OTUD7A: variants seen among roughly 807,000 people sequenced by gnomAD.
OTUD7A encodes OTU deubiquitinase 7A.
A neutral mutation model predicts 65.7 loss-of-function variants in OTUD7A; 12 were observed. The ratio of observed to expected loss-of-function variants is 0.18; its 90% CI spans 0.12 to 0.30. OTUD7A has a LOEUF of 0.30. Among genes scored for constraint, OTUD7A ranks in the 10% least tolerant of loss-of-function variants. The pLI is 1.00. For missense variants in OTUD7A, 1,148 were observed against 1,304.8 expected (o/e 0.88, Z 1.85); for synonymous variants, 641 against 586.3 (o/e 1.09, Z -1.35).
chr15:31,862,218 C>A (rs545277307), intron 1 of OTUD7A, among the ~76,000 whole-genome samples: 1 of 152,332 alleles, frequency 6.6e-6, no homozygotes, highest in Admixed American at 6.5e-5. Flanking sequence ...AATCTTTCAT[C>A]ATCCCCAAGG....
At chr15:31,737,247 C>T (rs996592962) in intron 1 of OTUD7A, among the ~76,000 whole-genome samples, 16 of 152,020 alleles carry the variant, frequency 1.1e-4, no homozygotes, top group Admixed American at 2.6e-4. Context: ...CGTTGAAACA[C>T]ATACACAGGC....
intron 3 of OTUD7A, among the ~76,000 whole-genome samples, chr15:31,622,992 C>T (rs1049603870): frequency 2.6e-5 from 4 of 152,236 alleles, no homozygotes; most frequent in Non-Finnish European, 5.9e-5. Flanking sequence ...AGTCAGGACC[C>T]TCAGCTGCAG....
intron 1 of OTUD7A, among the ~76,000 whole-genome samples, chr15:31,704,787 T>C (rs1217933463): frequency 1.3e-5 from 2 of 152,332 alleles, no homozygotes; most frequent in African/African-American, 4.8e-5. Flanking sequence ...TCTGGAGATC[T>C]GTCCTGGAAT....
At chr15:31,669,310 G>A (rs1013325658) in intron 1 of OTUD7A, among the ~76,000 whole-genome samples, 1 of 152,146 alleles carries the variant, frequency 6.6e-6, no homozygotes, top group Non-Finnish European at 1.5e-5. Flanking sequence ...ACTGTCCTTC[G>A]GTGCGTCTTG....
intron 1 of OTUD7A, among the ~76,000 whole-genome samples, chr15:31,811,461 T>C (rs1896413755): frequency 6.6e-6 from 1 of 151,724 alleles, no homozygotes; most frequent in Admixed American, 6.6e-5. Context: ...GTATGTATGG[T>C]GTAGTGTCTG....
intron 1 of OTUD7A, among the ~76,000 whole-genome samples, chr15:31,697,846 G>A (rs879435234): frequency 9.9e-5 from 15 of 152,192 alleles, no homozygotes; most frequent in Non-Finnish European, 1.6e-4. Context: ...GCCACTTCTC[G>A]AAATGTGCTG....
chr15:31,551,334 T>C (rs1232468083), intron 5 of OTUD7A, among the ~76,000 whole-genome samples: 1 of 152,224 alleles, frequency 6.6e-6, no homozygotes, highest in East Asian at 1.9e-4. Context: ...TTCATGTTTC[T>C]ATTCCTGGCT....
intron 1 of OTUD7A, among the ~76,000 whole-genome samples, chr15:31,741,412 G>A (rs781036514): frequency 1.3e-5 from 2 of 152,184 alleles, no homozygotes; most frequent in Non-Finnish European, 2.9e-5. Flanking sequence ...CATGTGCCAT[G>A]TTGGTTTGCT....
intron 4 of OTUD7A, among the ~76,000 whole-genome samples, chr15:31,568,272 T>C (rs1888939259): frequency 6.6e-6 from 1 of 152,276 alleles, no homozygotes; most frequent in Non-Finnish European, 1.5e-5. Context: ...TGGTGTGCCC[T>C]GGATGTGAGA....
chr15:31,617,091 T>A (rs1211415354), intron 3 of OTUD7A, among the ~76,000 whole-genome samples: 1 of 151,956 alleles, frequency 6.6e-6, no homozygotes. Context: ...CAACCAAATA[T>A]ATCAAACATT....
intron 1 of OTUD7A, among the ~76,000 whole-genome samples, chr15:31,746,177 C>T (rs968569172): frequency 4.4e-4 from 67 of 152,128 alleles, no homozygotes; most frequent in African/African-American, 1.5e-3. Flanking sequence ...TGGGGTTTCC[C>T]CACTAGGTAT....
At chr15:31,567,080 A>G (rs1305230025) in intron 4 of OTUD7A, among the ~76,000 whole-genome samples, 2 of 152,230 alleles carry the variant, frequency 1.3e-5, no homozygotes, top group Non-Finnish European at 2.9e-5. Flanking sequence ...AATGGGCAGA[A>G]GTTGGAAGTC....
intron 1 of OTUD7A, among the ~76,000 whole-genome samples, chr15:31,718,767 T>C (rs1178100311): frequency 6.8e-6 from 1 of 148,014 alleles, no homozygotes; most frequent in Non-Finnish European, 1.5e-5. Flanking sequence ...TCCATTGTTA[T>C]CATGGACTGT....
intron 1 of OTUD7A, among the ~76,000 whole-genome samples, chr15:31,681,120 A>G (rs1286726844): frequency 6.6e-6 from 1 of 150,890 alleles, no homozygotes. Context: ...ATCTTTTGAT[A>G]TATATTTTTT....
intron 1 of OTUD7A, among the ~76,000 whole-genome samples, chr15:31,709,421 G>T (rs1018204378): frequency 5.9e-5 from 9 of 152,030 alleles, no homozygotes; most frequent in African/African-American, 4.8e-5. Flanking sequence ...GGGGCACCTG[G>T]GAACCTGCAT....
chr15:31,711,111 G>C lies in OTUD7A; in HGVS notation c.-99-54034C>G, dbSNP rs111460412. Among the ~76,000 whole-genome samples the C allele has an allele frequency of 8.1e-3, 1,212 of 149,118 alleles. 13 individuals carry two copies. The highest frequency in any genetic ancestry group is 0.028 in the African/African-American group (1,141 of 40,782). ...CCCTTTCTATGGTGAATAGCAAATA[G>C]AGTTGAAGTGTTCAACACCTTTGTG... On this transcript the variant is annotated intron_variant, in intron 1 of 12. Coordinates refer to ENST00000307050, the MANE Select transcript of OTUD7A (RefSeq NM_001382637.1).
At chr15:31,565,330 T>A (rs1192071843) in intron 4 of OTUD7A, among the ~76,000 whole-genome samples, 1 of 152,168 alleles carries the variant, frequency 6.6e-6, no homozygotes, top group Non-Finnish European at 1.5e-5. Context: ...TACTTAGATA[T>A]CCAAGTGATT....
intron 1 of OTUD7A, among the ~76,000 whole-genome samples, chr15:31,669,368 T>C (rs1892418259): frequency 6.6e-6 from 1 of 151,868 alleles, no homozygotes; most frequent in Non-Finnish European, 1.5e-5. Context: ...GTCAATGGAG[T>C]TGTGTACCTA....
chr15:31,735,441 T>C (rs183384353), intron 1 of OTUD7A, among the ~76,000 whole-genome samples: 3 of 152,070 alleles, frequency 2.0e-5, no homozygotes, highest in South Asian at 2.1e-4. Context: ...TGCAGGGGAA[T>C]TGCTAGAACC....
Sources: allele counts gnomAD v4.1 joint callset (sites outside exome capture counted in the v4.1 genomes callset), GRCh38; gene constraint gnomAD v4.1.1; transcripts MANE v1.5; gene names NCBI Gene and HGNC (gene_info 2026-07-23, HGNC 2026-07-21).